The following TRIM59 variants were observed in gnomAD, a reference collection of about 807,000 sequenced individuals.
TRIM59 encodes the protein tripartite motif-containing protein 59.
A neutral mutation model predicts 32.2 loss-of-function variants in TRIM59; 14 were observed. That is an observed-to-expected ratio of 0.43 (90% confidence interval 0.29 to 0.68). The LOEUF (loss-of-function observed/expected upper bound fraction) is 0.68, where lower values mean the gene tolerates loss of function less well. Ranked by LOEUF, TRIM59 falls within the 30% of genes least tolerant of loss-of-function variation. TRIM59 has a pLI of 0.15. For missense variants in TRIM59, 471 were observed against 463.3 expected (o/e 1.02, Z -0.15); for synonymous variants, 163 against 155.1 (o/e 1.05, Z -0.38).
At chr3:160,444,677 T>C (rs1352041288) in intron 2 of TRIM59, among the ~76,000 whole-genome samples, 1 of 152,250 alleles carries the variant, frequency 6.6e-6, no homozygotes, top group Admixed American at 6.5e-5. Flanking sequence ...AGCCCTTAAC[T>C]AGTTTGGCAG....
chr3:160,449,647 A>C (rs1268376925), intron 1 of TRIM59, 70 bp downstream of exon 1: 1 of 1,289,524 alleles, frequency 7.8e-7, no homozygotes, highest in African/African-American at 1.5e-5. Context: ...GGCACACCAG[A>C]CTGTGCTACA....
rs6785881 is a variant in TRIM59 at position 160,436,201 on chromosome 3, C to T, written c.*1771G>A. On this transcript the variant is annotated 3_prime_UTR_variant, in exon 3 of 3. Coordinates refer to ENST00000309784, the MANE Select transcript of TRIM59 (RefSeq NM_173084.3). ...TCTTAGTGTTAAGACTTATTCTCAGCAGGTAAGAGTTTTAGAACTAGTTCC... is the reference window on the plus strand; with the variant it reads ...TCTTAGTGTTAAGACTTATTCTCAGTAGGTAAGAGTTTTAGAACTAGTTCC... 0.46 allele frequency: 456,890 copies of T among 998,894 alleles called. 106,687 individuals carry two copies. The highest frequency in any genetic ancestry group is 0.48 in the Non-Finnish European group (403,014 of 837,858). 61.9% of individuals were successfully genotyped at this position (998,894 alleles called of 1,614,324 possible).
chr3:160,449,782 A>T lies in TRIM59; in HGVS notation c.-139T>A. 1.3e-5 allele frequency: 16 copies of T among 1,257,250 alleles called. 1 individual carries two copies. The South Asian group carries it at 2.0e-4, about 16-fold the overall frequency. The allele number at this position is 1,257,250 out of a possible 1,614,324, so 77.9% of individuals were successfully genotyped here. A position where few individuals can be genotyped will look rare whatever the true frequency, so the allele number is the denominator to read the frequency against. Reference sequence around the variant, plus strand: ...ACACAGCGCCACGAGCTCCAGGCGGATGCTGAGAGCCGCCCCGAGTCCCCG... The same window carrying T: ...ACACAGCGCCACGAGCTCCAGGCGGTTGCTGAGAGCCGCCCCGAGTCCCCG... On this transcript the variant is annotated 5_prime_UTR_variant, in exon 1 of 3. Transcript: ENST00000309784.
Position 160,437,483 on chromosome 3 carries a change from AT to A in TRIM59, c.*488del, listed in dbSNP as rs1487563184. ...AAACACAGGTATGTTTGATCAAAAG[AT>A]CTTTAAGCCATGCCTTATCACTTTA... On this transcript the variant is annotated 3_prime_UTR_variant, in exon 3 of 3. Transcript: ENST00000309784. The A allele has an allele frequency of 2.0e-6, 2 of 985,352 alleles. No individual in the cohort carries two copies. Among genetic ancestry groups the A allele is most frequent in the Non-Finnish European group, 2.4e-6 (2 of 829,956 alleles). 61.0% of individuals were successfully genotyped at this position (985,352 alleles called of 1,614,324 possible).
chr3:160,448,133 AAAAT>A (rs1470499303), intron 2 of TRIM59, among the ~76,000 whole-genome samples: 1 of 152,202 alleles, frequency 6.6e-6, no homozygotes, highest in African/African-American at 2.4e-5. Flanking sequence ...CTAAAAAATA[AAAAT>A]AAAAACTAGA....
intron 2 of TRIM59, among the ~76,000 whole-genome samples, chr3:160,447,026 G>C (rs1216904263): frequency 6.6e-6 from 1 of 150,860 alleles, no homozygotes; most frequent in Non-Finnish European, 1.5e-5. Context: ...AGATGAAAAA[G>C]TTAACGGAGA....
chr3:160,437,559 T>A lies in TRIM59; in HGVS notation c.*413A>T. The A allele has an allele frequency of 1.0e-6, 1 of 986,518 alleles. No homozygotes were observed. The highest frequency in any genetic ancestry group is 1.2e-6 in the Non-Finnish European group (1 of 830,752). 61.1% of individuals were successfully genotyped at this position (986,518 alleles called of 1,614,324 possible). A position where few individuals can be genotyped will look rare whatever the true frequency, so the allele number is the denominator to read the frequency against. On this transcript the variant is annotated 3_prime_UTR_variant, in exon 3 of 3. Transcript: ENST00000309784. ...CCTTTCTATCATCCTTATTCACCCA[T>A]TCAAAAGCTTCAAGCCACATCAAAA...
chr3:160,441,753 C>CAAAAAA (rs538957200), intron 2 of TRIM59, among the ~76,000 whole-genome samples: 19 of 49,998 alleles, frequency 3.8e-4, no homozygotes, highest in African/African-American at 7.3e-4. Flanking sequence ...GACTCCATCT[C>CAAAAAA]AAAAAAAAAA....
chr3:160,438,186 A>T lies in TRIM59; in HGVS notation c.998T>A (p.Val333Asp), dbSNP rs920803085. 1.9e-6 allele frequency: 3 copies of T among 1,613,098 alleles called. No individual in the cohort carries two copies. Among genetic ancestry groups the T allele is most frequent in the Non-Finnish European group, 2.5e-6 (3 of 1,179,626 alleles). The change falls in exon 3 of 3, where the codon GTT becomes GAT. Residue 333 changes from valine to aspartate, a missense_variant. Coordinates refer to ENST00000309784, the MANE Select transcript of TRIM59 (RefSeq NM_173084.3). ...EVEFLKILNIVVVTLISVILM... is the reference protein window; with the variant it reads ...EVEFLKILNIDVVTLISVILM... Reference sequence around the variant, plus strand: ...TATTACTGAAATTAATGTAACTACAACAATGTTTAAAATTTTTAAAAATTC... The same window carrying T: ...TATTACTGAAATTAATGTAACTACATCAATGTTTAAAATTTTTAAAAATTC...
chr3:160,442,558 GAA>G (rs879824298), intron 2 of TRIM59, among the ~76,000 whole-genome samples: 1 of 139,242 alleles, frequency 7.2e-6, no homozygotes, highest in South Asian at 2.3e-4. Context: ...TCAAAAAAAG[GAA>G]AAAAAAAAAA....
At chr3:160,442,427 C>T (rs1329443658) in intron 2 of TRIM59, among the ~76,000 whole-genome samples, 1 of 151,850 alleles carries the variant, frequency 6.6e-6, no homozygotes, top group Non-Finnish European at 1.5e-5. Context: ...ACTAAAAATA[C>T]AAAAATTAGC....
intron 2 of TRIM59, among the ~76,000 whole-genome samples, chr3:160,447,197 C>T (rs114413666): frequency 0.037 from 5,562 of 152,036 alleles, 295 homozygotes; most frequent in African/African-American, 0.11. Context: ...ATCCAGTCTT[C>T]CTTTTGCTAA....
In TRIM59 at chr3:160,438,707, A is replaced by T; in HGVS notation, c.477T>A (p.Asp159Glu). The T allele has an allele frequency of 6.2e-7, 1 of 1,614,000 alleles. No homozygotes were observed. The highest frequency in any genetic ancestry group is 8.5e-7 in the Non-Finnish European group (1 of 1,179,990). ...TCAGCTTTTCAATAAGATGGGTAAG[A>T]TCTGTCCAGTGTGTGTCAGTCAACT... ...LEQLTDTHWTDLTHLIEKLKE... is the reference protein window; with the variant it reads ...LEQLTDTHWTELTHLIEKLKE... The change falls in exon 3 of 3, where the codon GAT becomes GAA. Residue 159 changes from aspartate to glutamate, a missense_variant. Physicochemically the swap from Asp to Glu is conservative, Grantham distance 45. Coordinates refer to ENST00000309784, the MANE Select transcript of TRIM59 (RefSeq NM_173084.3).
At chr3:160,443,528 G>A (rs1719364599) in intron 2 of TRIM59, among the ~76,000 whole-genome samples, 1 of 152,164 alleles carries the variant, frequency 6.6e-6, no homozygotes, top group African/African-American at 2.4e-5. Flanking sequence ...AGCTACTGCA[G>A]GGAGAAAAGA....
Position 160,437,401 on chromosome 3 carries a change from C to A in TRIM59, c.*571G>T. ...CTTTACTCTAACAGTTATCCAAAAG[C>A]AATAGTTTTATTTGGAGTGAATGGT... On this transcript the variant is annotated 3_prime_UTR_variant, in exon 3 of 3. Coordinates refer to ENST00000309784, the MANE Select transcript of TRIM59 (RefSeq NM_173084.3). 1.0e-6 allele frequency: 1 copy of A among 985,326 alleles called. No homozygotes were observed. Among genetic ancestry groups the A allele is most frequent in the Non-Finnish European group, 1.2e-6 (1 of 829,916 alleles). 61.0% of individuals were successfully genotyped at this position (985,326 alleles called of 1,614,324 possible).
Position 160,438,376 on chromosome 3 carries a change from G to C in TRIM59, c.808C>G (p.Pro270Ala). Residue 270 changes from proline (P) to alanine (A), a missense_variant, in exon 3 of 3, where the codon CCT becomes GCT. Transcript: ENST00000309784. ...HVQILKQRPL[P>A]EVQPVEIYPR... ...TAAATTTCAACGGGTTGAACCTCAG[G>C]AAGTGGTCTTTGTTTCAAGATCTGT... is the stretch of plus-strand genomic sequence containing the variant. 1 of 1,613,692 alleles carries C rather than the reference G, an allele frequency of 6.2e-7. No homozygotes were observed. The highest frequency in any genetic ancestry group is 8.5e-7 in the Non-Finnish European group (1 of 1,179,978).
chr3:160,448,264 A>C (rs1719637497), intron 2 of TRIM59, among the ~76,000 whole-genome samples: 1 of 152,222 alleles, frequency 6.6e-6, no homozygotes, highest in Non-Finnish European at 1.5e-5. Context: ...GGAAATATTC[A>C]TCAACGTGTT....
At chr3:160,440,129 T>C (rs904988241) in intron 2 of TRIM59, among the ~76,000 whole-genome samples, 3 of 152,184 alleles carry the variant, frequency 2.0e-5, no homozygotes, top group African/African-American at 4.8e-5. Context: ...ACAAGAACGC[T>C]TAAACCCCAG....
rs1334610454 is a variant in TRIM59, at chr3:160,437,204, T to C, written c.*768A>G. 1 of 600,250 alleles carries C rather than the reference T, an allele frequency of 1.7e-6. No individual in the cohort carries two copies. The highest frequency in any genetic ancestry group is 2.1e-6 in the Non-Finnish European group (1 of 478,436). 37.2% of individuals were successfully genotyped at this position (600,250 alleles called of 1,614,324 possible). ...TCGTTTCTACAAAAAACAATTTTTT[T>C]AATTAGCCAGGCATGGGGGTGTGTG... On this transcript the variant is annotated 3_prime_UTR_variant, in exon 3 of 3. Coordinates refer to ENST00000309784, the MANE Select transcript of TRIM59 (RefSeq NM_173084.3).
Sources: allele counts gnomAD v4.1 joint callset (sites outside exome capture counted in the v4.1 genomes callset), GRCh38; gene constraint gnomAD v4.1.1; transcripts MANE v1.5; gene names NCBI Gene and HGNC (gene_info 2026-07-23, HGNC 2026-07-21).